CLASP2: variants seen among roughly 807,000 people sequenced by gnomAD.
CLASP2 encodes the protein cytoplasmic linker associated protein 2.
CLASP2 carries 47 observed loss-of-function variants against 194.4 expected under a neutral mutation model. The ratio of observed to expected loss-of-function variants is 0.24; its 90% CI spans 0.19 to 0.31. CLASP2 has a LOEUF of 0.31. Ranked by LOEUF, CLASP2 falls within the 10% of genes least tolerant of loss-of-function variation. The pLI, the probability that CLASP2 is intolerant of heterozygous loss-of-function variation, is 1.00. For synonymous variants in CLASP2, 619 were observed against 633.5 expected (o/e 0.98, Z 0.34); for missense variants, 1,445 against 1,823.6 (o/e 0.79, Z 3.78).
intron 21 of CLASP2, among the ~76,000 whole-genome samples, chr3:33,587,630 A>C (rs2067706556): frequency 6.6e-6 from 1 of 152,246 alleles, no homozygotes; most frequent in African/African-American, 2.4e-5. Flanking sequence ...TAAGGAAATT[A>C]TTCAAGTGTA....
chr3:33,507,759 C>A (rs1252357196), intron 37 of CLASP2, among the ~76,000 whole-genome samples: 1 of 152,166 alleles, frequency 6.6e-6, no homozygotes, highest in South Asian at 2.1e-4. Context: ...GTTGGGTTTA[C>A]AGGCGTGAGC....
chr3:33,520,409 C>T (rs2052657883), intron 34 of CLASP2, among the ~76,000 whole-genome samples: 1 of 152,202 alleles, frequency 6.6e-6, no homozygotes, highest in African/African-American at 2.4e-5. Context: ...GGCATTAGTA[C>T]ACAGATTCCC....
At chr3:33,555,558 G>C (rs968050327) in intron 29 of CLASP2, among the ~76,000 whole-genome samples, 1 of 151,904 alleles carries the variant, frequency 6.6e-6, no homozygotes, top group Non-Finnish European at 1.5e-5. Context: ...TGTAGAGATG[G>C]GGTTTTGCCA....
intron 36 of CLASP2, among the ~76,000 whole-genome samples, chr3:33,511,325 C>A (rs2049725860): frequency 2.0e-5 from 3 of 152,124 alleles, no homozygotes; most frequent in African/African-American, 7.2e-5. Flanking sequence ...CAAATGTGAG[C>A]TGCCGTGAGC....
At chr3:33,574,148 C>A (rs1260227130) in intron 24 of CLASP2, among the ~76,000 whole-genome samples, 1 of 152,006 alleles carries the variant, frequency 6.6e-6, no homozygotes, top group Admixed American at 6.6e-5. Context: ...CTTAAAAGAG[C>A]TGAAAACAAA....
intron 28 of CLASP2, among the ~76,000 whole-genome samples, chr3:33,560,312 G>A (rs951738041): frequency 2.0e-5 from 3 of 150,592 alleles, no homozygotes; most frequent in African/African-American, 2.4e-5. Context: ...GTGCAATCTC[G>A]GCTCACTGCA....
chr3:33,555,401 T>C (rs1453746430), intron 29 of CLASP2, among the ~76,000 whole-genome samples: 1 of 151,726 alleles, frequency 6.6e-6, no homozygotes. Context: ...GGTCTCATTC[T>C]GTCACCCAGG....
intron 8 of CLASP2, among the ~76,000 whole-genome samples, chr3:33,642,954 T>C (rs1439781732): frequency 1.3e-5 from 2 of 151,920 alleles, no homozygotes; most frequent in African/African-American, 4.8e-5. Flanking sequence ...TTCTACCTTA[T>C]TTTTGGCAGA....
chr3:33,690,670 GA>G (rs1282095070), intron 2 of CLASP2, among the ~76,000 whole-genome samples: 8 of 152,154 alleles, frequency 5.3e-5, no homozygotes, highest in African/African-American at 1.9e-4. Context: ...GAGAATTCTA[GA>G]AATAAACAAC....
At position 33,664,773 on chromosome 3, in the gene CLASP2, G is replaced by A. The variant is rs368898059; in HGVS notation, c.645-1258C>T. ...GCCCAGACACAAGAGGTGGACATAAGATAGAAGGAAGCATTGGAATTGGAG... is the reference window on the plus strand; with the variant it reads ...GCCCAGACACAAGAGGTGGACATAAAATAGAAGGAAGCATTGGAATTGGAG... On this transcript the variant is annotated intron_variant, in intron 6 of 38. Coordinates refer to ENST00000682230, the MANE Select transcript of CLASP2 (RefSeq NM_001365631.1). Among the ~76,000 whole-genome samples, 7 of 152,246 alleles carry A rather than the reference G, an allele frequency of 4.6e-5. No homozygotes were observed. The East Asian group carries it at 1.2e-3, about 25-fold the overall frequency.
intron 31 of CLASP2, 28 bp downstream of exon 31, chr3:33,544,670 G>A (rs747228464): frequency 1.1e-4 from 175 of 1,595,354 alleles, no homozygotes; most frequent in Non-Finnish European, 1.4e-4. Context: ...CACATTATAT[G>A]ATAGCCAAGA....
chr3:33,593,495 G>C, intron 20 of CLASP2, among the ~76,000 whole-genome samples: 1 of 152,150 alleles, frequency 6.6e-6, no homozygotes, highest in Middle Eastern at 3.4e-3. Flanking sequence ...AAAACTCAAA[G>C]AATAAGGAGA....
At chr3:33,533,255 C>G (rs769962543) in intron 34 of CLASP2, among the ~76,000 whole-genome samples, 4 of 152,188 alleles carry the variant, frequency 2.6e-5, no homozygotes, top group Non-Finnish European at 5.9e-5. Flanking sequence ...GACTAAACCT[C>G]AGAAAGACAG....
chr3:33,624,696 C>T (rs2077693750), intron 10 of CLASP2, among the ~76,000 whole-genome samples: 2 of 151,838 alleles, frequency 1.3e-5, no homozygotes, highest in African/African-American at 4.8e-5. Flanking sequence ...TTGTAATAAA[C>T]GTTATGTGAA....
At chr3:33,566,229 A>G (rs1222627102) in intron 27 of CLASP2, among the ~76,000 whole-genome samples, 1 of 152,222 alleles carries the variant, frequency 6.6e-6, no homozygotes, top group Non-Finnish European at 1.5e-5. Flanking sequence ...CTTTCAGAAG[A>G]CAAAGATGAG....
intron 3 of CLASP2, among the ~76,000 whole-genome samples, chr3:33,689,409 A>C (rs2091087803): frequency 6.6e-6 from 1 of 152,180 alleles, no homozygotes; most frequent in Non-Finnish European, 1.5e-5. Flanking sequence ...GTTCTGAAAT[A>C]TAAAATATTT....
intron 1 of CLASP2, among the ~76,000 whole-genome samples, chr3:33,716,633 C>T (rs1201898977): frequency 6.6e-6 from 1 of 152,116 alleles, no homozygotes; most frequent in African/African-American, 2.4e-5. Flanking sequence ...TTGTTTCTTC[C>T]AAAGAAATAA....
At chr3:33,686,482 G>A (rs974174797) in intron 5 of CLASP2, among the ~76,000 whole-genome samples, 2 of 152,120 alleles carry the variant, frequency 1.3e-5, no homozygotes, top group African/African-American at 4.8e-5. Flanking sequence ...GATCTAGGTC[G>A]CATACTCCTT....
At chr3:33,640,630 C>A (rs1466446068) in intron 8 of CLASP2, among the ~76,000 whole-genome samples, 2 of 152,056 alleles carry the variant, frequency 1.3e-5, no homozygotes, top group Non-Finnish European at 2.9e-5. Context: ...GCTTCAATGA[C>A]AAATCACTAA....
Sources: gnomAD v4.1 joint callset for allele counts (sites outside exome capture counted in the v4.1 genomes callset) on GRCh38, gnomAD v4.1.1 for gene constraint, MANE v1.5 for transcripts, NCBI Gene and HGNC (gene_info 2026-07-23, HGNC 2026-07-21) for gene names.